POLR1F: variants seen among roughly 807,000 people sequenced by gnomAD.
POLR1F encodes the protein DNA-directed RNA polymerase I subunit RPA43.
POLR1F carries 23 observed loss-of-function variants against 21.8 expected under a neutral mutation model. The observed-to-expected ratio is 1.05, with a 90% CI of 0.76 to 1.49. POLR1F has a LOEUF of 1.49. POLR1F is among the 40% of genes most tolerant of loss of function. The probability of loss-of-function intolerance (pLI) is 0.00; values close to 1 mark genes in which losing one functional copy is unlikely to be tolerated. For synonymous variants in POLR1F, 162 were observed against 152.8 expected, an observed-to-expected ratio of 1.06 and a Z score of -0.45; for missense variants, 435 against 412.1, an observed-to-expected ratio of 1.06 and a Z score of -0.48.
At chr7:19,704,300 T>C (rs1488098096) in intron 2 of POLR1F, among the ~76,000 whole-genome samples, 2 of 152,222 alleles carry the variant, frequency 1.3e-5, no homozygotes, top group Admixed American at 6.5e-5. Flanking sequence ...AATATCTGCA[T>C]TTCCAGCTTA....
chr7:19,704,668 T>C, intron 2 of POLR1F, 111 bp downstream of exon 2: 1 of 966,824 alleles, frequency 1.0e-6, no homozygotes, highest in South Asian at 1.9e-5. Context: ...ATTTATTTAC[T>C]CACAATAGCA....
chr7:19,704,471 TTGTG>T (rs1267209059), intron 2 of POLR1F, among the ~76,000 whole-genome samples: 1 of 152,184 alleles, frequency 6.6e-6, no homozygotes, highest in Non-Finnish European at 1.5e-5. Context: ...GAAATAGTAT[TTGTG>T]TAGAATTGAG....
chr7:19,697,460 T>C lies in POLR1F; in HGVS notation c.*856A>G, dbSNP rs1050199452. 7.2e-5 allele frequency: 11 copies of C among 152,178 alleles called. No individual in the cohort carries two copies. Among genetic ancestry groups the C allele is most frequent in the African/African-American group, 2.7e-4 (11 of 41,454 alleles). The allele number at this position is 152,178 out of a possible 1,614,324, so 9.4% of individuals were successfully genotyped here. ...CAATTAGTCAAGAGACATTCCACATTTTCTCAATGAAAGCAGTGAACAGAA... is the reference window on the plus strand; with the variant it reads ...CAATTAGTCAAGAGACATTCCACATCTTCTCAATGAAAGCAGTGAACAGAA... On this transcript the variant is annotated 3_prime_UTR_variant, in exon 4 of 4. Coordinates refer to ENST00000222567, the MANE Select transcript of POLR1F (RefSeq NM_001002926.2).
intron 3 of POLR1F, among the ~76,000 whole-genome samples, chr7:19,699,632 A>G (rs1303211215): frequency 6.6e-5 from 10 of 152,192 alleles, no homozygotes; most frequent in African/African-American, 1.7e-4. Flanking sequence ...AATTCTTATA[A>G]TAATTTCTAT....
At position 19,708,906 on chromosome 7, in the gene POLR1F, A is replaced by G; in HGVS notation, c.111T>C (p.Ala37=). ...AGTAGCGACTGTTCACCAGCGCACA[A>G]GCAGCGGCATAAGTCGGCAACTCTA... The part of the protein sequence containing the change: ...PCLELPTYAA[A]CALVNSRYSC... Residue 37 remains alanine, a synonymous_variant, in exon 1 of 4, where the codon GCT becomes GCC. Coordinates refer to ENST00000222567, the MANE Select transcript of POLR1F (RefSeq NM_001002926.2). 2.5e-6 allele frequency: 4 copies of G among 1,614,102 alleles called. No individual in the cohort carries two copies. Among genetic ancestry groups the G allele is most frequent in the Non-Finnish European group, 2.5e-6 (3 of 1,179,970 alleles).
chr7:19,704,696 G>A, intron 2 of POLR1F, 83 bp downstream of exon 2: 4 of 1,223,926 alleles, frequency 3.3e-6, no homozygotes, highest in Non-Finnish European at 4.5e-6. Flanking sequence ...TGAGTCCCAA[G>A]GTATATATTA....
At position 19,696,928 on chromosome 7, in the gene POLR1F, T is replaced by C. The variant is rs1263251718; in HGVS notation, c.*1388A>G. On this transcript the variant is annotated 3_prime_UTR_variant, in exon 4 of 4. Transcript: ENST00000222567. ...TGAATCTCAATTGTAATCAAAGAGGTTGGCCTGCATCCTTCCATTGTCTAG... is the reference window on the plus strand; with the variant it reads ...TGAATCTCAATTGTAATCAAAGAGGCTGGCCTGCATCCTTCCATTGTCTAG... The C allele has an allele frequency of 6.6e-6, 1 of 152,006 alleles. No homozygotes were observed. The highest frequency in any genetic ancestry group is 1.5e-5 in the Non-Finnish European group (1 of 67,934). 9.4% of individuals were successfully genotyped at this position (152,006 alleles called of 1,614,324 possible). A position where few individuals can be genotyped will look rare whatever the true frequency, so the allele number is the denominator to read the frequency against.
At chr7:19,700,755 A>T (rs2128006299) in intron 2 of POLR1F, among the ~76,000 whole-genome samples, 1 of 152,344 alleles carries the variant, frequency 6.6e-6, no homozygotes, top group Middle Eastern at 3.4e-3. Context: ...CAAATTTCAA[A>T]GCTTAAAAAT....
At chr7:19,699,214 A>C (rs1783418454) in intron 3 of POLR1F, among the ~76,000 whole-genome samples, 1 of 152,150 alleles carries the variant, frequency 6.6e-6, no homozygotes, top group Admixed American at 6.6e-5. Context: ...CCATTGTTCT[A>C]CTTAGCTGAT....
At chr7:19,703,660 T>TCATTG (rs1338383163) in intron 2 of POLR1F, among the ~76,000 whole-genome samples, 1 of 152,180 alleles carries the variant, frequency 6.6e-6, no homozygotes, top group African/African-American at 2.4e-5. Flanking sequence ...ATTGGCGCAA[T>TCATTG]CATAGCTCAC....
rs1478587636 is a variant in POLR1F at position 19,708,955 on chromosome 7, C to T, written c.62G>A (p.Gly21Glu). 3.1e-6 allele frequency: 5 copies of T among 1,612,076 alleles called. No individual in the cohort carries two copies. The highest frequency in any genetic ancestry group is 1.7e-5 in the Admixed American group (1 of 60,016). ...TAGGCAAGGCAGGACGCCAGCCTGC[C>T]CTACCAGAGACCCATCAGAAGCCGC... ...PAAASDGSLV[G>E]QAGVLPCLEL... The change falls in exon 1 of 4, where the codon GGG becomes GAG. Residue 21 changes from glycine (G) to glutamate (E), a missense_variant. Gly to Glu is a moderately conservative substitution (Grantham distance 98). Transcript: ENST00000222567.
intron 1 of POLR1F, 40 bp from the exon 2 acceptor site, chr7:19,704,960 CTTTTA>C (rs1289711874): frequency 6.5e-7 from 1 of 1,538,086 alleles, no homozygotes; most frequent in Non-Finnish European, 8.7e-7. Flanking sequence ...CTTTTATCGT[CTTTTA>C]TTTATTTATG....
At chr7:19,702,368 A>G (rs1029926218) in intron 2 of POLR1F, among the ~76,000 whole-genome samples, 2 of 152,338 alleles carry the variant, frequency 1.3e-5, no homozygotes, top group Non-Finnish European at 2.9e-5. Flanking sequence ...GGAAAGCTAC[A>G]TGAAGGAGAG....
At chr7:19,704,722 C>A in intron 2 of POLR1F, 57 bp downstream of exon 2, 1 of 1,471,318 alleles carries the variant, frequency 6.8e-7, no homozygotes, top group Non-Finnish European at 9.1e-7. Flanking sequence ...TAAAATGTTC[C>A]AAGTTACATA....
rs368519673 is a variant in POLR1F at position 19,708,823 on chromosome 7, T to C, written c.194A>G (p.Asn65Ser). 6.2e-7 allele frequency: 1 copy of C among 1,613,980 alleles called. No homozygotes were observed. Among genetic ancestry groups the C allele is most frequent in the Non-Finnish European group, 8.5e-7 (1 of 1,179,982 alleles). ...RHIALSPRYL[N>S]RKRTGIREQL... ...TTCTCGAATGCCGGTGCGTTTCCTG[T>C]TAAGGTAGCGGGGCGACAGCGCGAT... Residue 65 changes from asparagine to serine, a missense_variant, in exon 1 of 4, where the codon AAC becomes AGC. Transcript: ENST00000222567.
At chr7:19,702,143 T>G (rs1051798223) in intron 2 of POLR1F, among the ~76,000 whole-genome samples, 3 of 152,202 alleles carry the variant, frequency 2.0e-5, no homozygotes, top group Non-Finnish European at 2.9e-5. Context: ...CAGACTTTAC[T>G]TGATAATAAT....
At position 19,695,715 on chromosome 7, in the gene POLR1F, G is replaced by A. The variant is rs1013583459; in HGVS notation, c.*2601C>T. On this transcript the variant is annotated 3_prime_UTR_variant, in exon 4 of 4. Transcript: ENST00000222567. ...AATAAGAATTATGGTTATGAAGCAT[G>A]CACATTTAGCCTTGTCTGGAAAAAG... 12 of 152,036 alleles carry A rather than the reference G, an allele frequency of 7.9e-5. No homozygotes were observed. The highest frequency in any genetic ancestry group is 2.9e-4 in the African/African-American group (12 of 41,412). 9.4% of individuals were successfully genotyped at this position (152,036 alleles called of 1,614,324 possible). A position where few individuals can be genotyped will look rare whatever the true frequency, so the allele number is the denominator to read the frequency against.
intron 2 of POLR1F, among the ~76,000 whole-genome samples, chr7:19,703,266 C>T (rs1415413898): frequency 6.6e-6 from 1 of 151,906 alleles, no homozygotes; most frequent in Non-Finnish European, 1.5e-5. Context: ...ATAAGCAAAA[C>T]CAACTTATGA....
At position 19,709,008 on chromosome 7, in the gene POLR1F, T is replaced by C. The variant is rs145791338; in HGVS notation, c.9A>G (p.Ala3=). 3.5e-5 allele frequency: 55 copies of C among 1,581,696 alleles called. 1 individual carries two copies. The African/African-American group carries it at 5.5e-4, about 16-fold the overall frequency. Residue 3 remains alanine, a synonymous_variant, in exon 1 of 4, where the codon GCA becomes GCG. Coordinates refer to ENST00000222567, the MANE Select transcript of POLR1F (RefSeq NM_001002926.2). MA[A]GCSEAPRPAA... Reference sequence around the variant, plus strand: ...CTGGCCGCGGCGCCTCTGAGCAACCTGCAGCCATGCTGCTTGTCAAGGTTC... The same window carrying C: ...CTGGCCGCGGCGCCTCTGAGCAACCCGCAGCCATGCTGCTTGTCAAGGTTC...
Sources: allele counts gnomAD v4.1 joint callset (sites outside exome capture counted in the v4.1 genomes callset), GRCh38; gene constraint gnomAD v4.1.1; transcripts MANE v1.5; gene names NCBI Gene and HGNC (gene_info 2026-07-23, HGNC 2026-07-21).